Variants in ROBO2 observed in about 807,000 individuals in gnomAD.
ROBO2 encodes roundabout guidance receptor 2.
ROBO2 carries 53 observed loss-of-function variants against 160.8 expected under a neutral mutation model. The observed-to-expected ratio is 0.33, with a 90% CI of 0.26 to 0.41. The LOEUF is 0.41. ROBO2 is among the 10% of genes least tolerant of loss of function. The pLI, the probability that ROBO2 is intolerant of heterozygous loss-of-function variation, is 1.00. For synonymous variants in ROBO2, 664 were observed against 611.7 expected (o/e 1.09, Z -1.26); for missense variants, 1,577 against 1,722.4 (o/e 0.92, Z 1.49).
At chr3:77,596,059 T>A (rs1044813898) in intron 18 of ROBO2, among the ~76,000 whole-genome samples, 2 of 151,816 alleles carry the variant, frequency 1.3e-5, no homozygotes, top group African/African-American at 4.8e-5. Context: ...TTATTACCTT[T>A]AAAAAAAACC....
chr3:75,940,541 T>C (rs1483722515), intron 2 of ROBO2, among the ~76,000 whole-genome samples: 1 of 152,136 alleles, frequency 6.6e-6, no homozygotes, highest in African/African-American at 2.4e-5. Flanking sequence ...ACGTGGACTC[T>C]GTCTGTGTCT....
At chr3:77,089,312 A>T (rs2069800491) in intron 1 of ROBO2, among the ~76,000 whole-genome samples, 2 of 152,270 alleles carry the variant, frequency 1.3e-5, no homozygotes, top group South Asian at 4.1e-4. Flanking sequence ...CTCATCTATA[A>T]AATAAGGGTT....
At chr3:76,722,923 C>T (rs958510898) in intron 2 of ROBO2, among the ~76,000 whole-genome samples, 1 of 152,106 alleles carries the variant, frequency 6.6e-6, no homozygotes, top group East Asian at 1.9e-4. Flanking sequence ...AAATGCTTTT[C>T]AAATTTAAGG....
At chr3:76,714,928 C>G (rs1420333277) in intron 2 of ROBO2, among the ~76,000 whole-genome samples, 5 of 152,088 alleles carry the variant, frequency 3.3e-5, no homozygotes, top group Non-Finnish European at 1.5e-5. Context: ...AGAGGAGTAA[C>G]TTCTCATCCT....
intron 2 of ROBO2, among the ~76,000 whole-genome samples, chr3:76,605,060 A>G (rs748437837): frequency 8.5e-5 from 13 of 152,152 alleles, no homozygotes; most frequent in Non-Finnish European, 1.8e-4. Context: ...CTCCAGCAAG[A>G]CATTCTACAA....
intron 2 of ROBO2, among the ~76,000 whole-genome samples, chr3:75,947,438 A>G (rs1948352922): frequency 6.6e-6 from 1 of 152,124 alleles, no homozygotes; most frequent in Non-Finnish European, 1.5e-5. Flanking sequence ...TGTTACATTT[A>G]TAAGTCTAAA....
intron 2 of ROBO2, among the ~76,000 whole-genome samples, chr3:77,262,757 A>G (rs1307059383): frequency 1.3e-5 from 2 of 152,158 alleles, no homozygotes; most frequent in African/African-American, 2.4e-5. Flanking sequence ...AGCATCATAA[A>G]TTGAAGTTGG....
intron 2 of ROBO2, among the ~76,000 whole-genome samples, chr3:76,322,164 GTATATATATATATATATATATATATATA>G (rs200388202): frequency 9.2e-6 from 1 of 108,156 alleles, no homozygotes; most frequent in Admixed American, 9.7e-5. Flanking sequence ...TACTTCTTCC[GTATATATATATATATATATATATATATA>G]TATATATATA....
chr3:76,064,464 G>A (rs1370266992), intron 2 of ROBO2, among the ~76,000 whole-genome samples: 1 of 152,058 alleles, frequency 6.6e-6, no homozygotes, highest in African/African-American at 2.4e-5. Context: ...CAAGCTACTA[G>A]GTAGTTCCAC....
intron 2 of ROBO2, among the ~76,000 whole-genome samples, chr3:77,335,547 CT>C (rs2066409956): frequency 6.6e-6 from 1 of 152,176 alleles, no homozygotes; most frequent in Non-Finnish European, 1.5e-5. Context: ...ATATTTTCCA[CT>C]TCTATTCACT....
chr3:76,603,361 TATATATATATA>T (rs1560219331), intron 2 of ROBO2, among the ~76,000 whole-genome samples: 1 of 103,604 alleles, frequency 9.7e-6, no homozygotes, highest in African/African-American at 3.4e-5. Context: ...AATATATATA[TATATATATATA>T]TATATATATA....
At chr3:77,605,157 C>T (rs1054250765) in intron 20 of ROBO2, among the ~76,000 whole-genome samples, 3 of 142,020 alleles carry the variant, frequency 2.1e-5, no homozygotes, top group Non-Finnish European at 4.5e-5. Flanking sequence ...GACTGAGACC[C>T]TGTCTCAAGG....
chr3:77,332,662 G>T lies in ROBO2; in HGVS notation c.389-144752G>T, dbSNP rs185757215. Among the ~76,000 whole-genome samples, 604 of 152,142 alleles carry T rather than the reference G, an allele frequency of 4.0e-3. 3 individuals are homozygous for T. The highest frequency in any genetic ancestry group is 6.2e-3 in the Non-Finnish European group (421 of 68,016). ...CATAATGTATATTTAGTACATAAAA[G>T]TTACATAATAGACATATTTGTGTAA... On this transcript the variant is annotated intron_variant, in intron 2 of 25. Coordinates refer to ENST00000461745, the Ensembl canonical transcript of ROBO2.
At chr3:76,625,179 CCT>C (rs1338199036) in intron 2 of ROBO2, among the ~76,000 whole-genome samples, 2 of 152,008 alleles carry the variant, frequency 1.3e-5, no homozygotes, top group African/African-American at 4.8e-5. Context: ...AATAAAATTC[CCT>C]GTTATATAGC....
chr3:76,012,755 A>G (rs1302182795), intron 2 of ROBO2, among the ~76,000 whole-genome samples: 2 of 152,200 alleles, frequency 1.3e-5, no homozygotes, highest in Non-Finnish European at 2.9e-5. Flanking sequence ...GGAAAAATGC[A>G]TATTTAAATG....
chr3:76,741,867 A>G (rs764243014), intron 2 of ROBO2, among the ~76,000 whole-genome samples: 76 of 152,056 alleles, frequency 5.0e-4, no homozygotes, highest in Non-Finnish European at 7.4e-5. Context: ...CAAGTTTTAT[A>G]CTTTAGGGCA....
At chr3:77,137,418 G>T (rs1469373018) in intron 2 of ROBO2, among the ~76,000 whole-genome samples, 1 of 152,074 alleles carries the variant, frequency 6.6e-6, no homozygotes, top group Non-Finnish European at 1.5e-5. Flanking sequence ...TAGAGACGGG[G>T]TGTCTCCGTG....
chr3:77,614,923 G>T (rs963950450), intron 21 of ROBO2, among the ~76,000 whole-genome samples: 4 of 152,066 alleles, frequency 2.6e-5, no homozygotes, highest in Non-Finnish European at 5.9e-5. Flanking sequence ...GGCATTTAGG[G>T]AAGTATTTGA....
At chr3:77,435,171 T>C (rs1056346987) in intron 2 of ROBO2, among the ~76,000 whole-genome samples, 5 of 151,960 alleles carry the variant, frequency 3.3e-5, no homozygotes, top group African/African-American at 1.2e-4. Context: ...ATAAATTTGT[T>C]GATATAGATA....
Sources: allele counts gnomAD v4.1 joint callset (sites outside exome capture counted in the v4.1 genomes callset), GRCh38; gene constraint gnomAD v4.1.1; transcripts MANE v1.5; gene names NCBI Gene and HGNC (gene_info 2026-07-23, HGNC 2026-07-21).